Variants in LRBA observed in about 807,000 individuals in gnomAD.
LRBA encodes the protein LPS responsive beige-like anchor protein.
Under a neutral mutation model 330.0 loss-of-function variants are expected in LRBA, and 176 were observed. That is an observed-to-expected ratio of 0.53 (90% CI 0.47 to 0.60). LRBA has a LOEUF of 0.60. LRBA is among the 20% of genes least tolerant of loss of function. LRBA has a pLI of 0.00. For synonymous variants in LRBA, 1,230 were observed against 1,193.0 expected, an observed-to-expected ratio of 1.03 and a Z score of -0.64; for missense variants, 3,259 against 3,444.8, an observed-to-expected ratio of 0.95 and a Z score of 1.35.
chr4:150,510,680 A>T lies in LRBA; in HGVS notation c.6331-19645T>A, dbSNP rs141347401. On this transcript the variant is annotated intron_variant, in intron 40 of 56. Coordinates refer to ENST00000651943, the MANE Select transcript of LRBA (RefSeq NM_001364905.1). ...TTCTTAGCCTTCTTAGTTTACACTG[A>T]GTGATTTCATCCCGAATCACTGCTT... Among the ~76,000 whole-genome samples the T allele has an allele frequency of 3.6e-3, 555 of 152,206 alleles. 3 individuals carry two copies. The highest frequency in any genetic ancestry group is 0.01 in the Middle Eastern group (3 of 294).
Position 150,588,156 on chromosome 4 carries a change from C to T in LRBA, c.6222G>A (p.Gln2074=). 1 of 1,610,808 alleles carries T rather than the reference C, an allele frequency of 6.2e-7. No individual in the cohort carries two copies. Among genetic ancestry groups the T allele is most frequent in the East Asian group, 2.2e-5 (1 of 44,800 alleles). ...TTACTACAACAGAGGGGGCCACAAG[C>T]TGAGCTGGTGTGCTCAGGCTAACAG... The part of the protein sequence containing the change: ...AGPVSLSTPA[Q]LVAPSVVVKG... The change falls in exon 40 of 57, where the codon CAG becomes CAA. Residue 2074 remains glutamine (Q), a synonymous_variant. Transcript: ENST00000651943.
At chr4:150,978,663 G>A (rs376373429) in intron 2 of LRBA, among the ~76,000 whole-genome samples, 7 of 151,974 alleles carry the variant, frequency 4.6e-5, no homozygotes, top group Non-Finnish European at 7.4e-5. Context: ...GAATTCTATC[G>A]GATAAATTTA....
At chr4:150,335,997 A>G (rs1444233110) in intron 48 of LRBA, among the ~76,000 whole-genome samples, 2 of 152,354 alleles carry the variant, frequency 1.3e-5, no homozygotes, top group African/African-American at 4.8e-5. Context: ...CGCCTGGCGA[A>G]GCCACTGTGC....
chr4:150,850,829 C>G lies in LRBA; in HGVS notation c.3899G>C (p.Arg1300Thr). The G allele has an allele frequency of 6.2e-7, 1 of 1,613,964 alleles. No homozygotes were observed. Among genetic ancestry groups the G allele is most frequent in the Admixed American group, 1.7e-5 (1 of 60,010 alleles). Residue 1300 changes from arginine (R) to threonine (T), a missense_variant, in exon 24 of 57, where the codon AGA becomes ACA. Transcript: ENST00000651943. ...DAVNGQRRDSRSTVFRIPEFN... is the reference protein window; with the variant it reads ...DAVNGQRRDSTSTVFRIPEFN... ...CTCAGGAATACGAAACACAGTAGAT[C>G]TGGAATCCCTCCTTTGTCCATTAAC...
chr4:150,970,435 G>A (rs201559649), intron 2 of LRBA, among the ~76,000 whole-genome samples: 1 of 151,790 alleles, frequency 6.6e-6, no homozygotes, highest in Admixed American at 6.6e-5. Context: ...AAGAGGTTGA[G>A]GCTGCAGTAA....
chr4:150,371,181 A>ATTTTTTTTTT (rs1274384749), intron 47 of LRBA, among the ~76,000 whole-genome samples: 179 of 136,792 alleles, frequency 1.3e-3, no homozygotes, highest in African/African-American at 5.2e-3. Context: ...CAAGCTACTA[A>ATTTTTTTTTT]ATTTTTTTTT....
intron 13 of LRBA, among the ~76,000 whole-genome samples, chr4:150,904,003 C>T (rs1451688361): frequency 1.3e-5 from 2 of 152,114 alleles, no homozygotes; most frequent in East Asian, 3.9e-4. Context: ...CCATGGTAGA[C>T]AAGAAAATTC....
chr4:150,809,922 T>TACGAG (rs1454271257), intron 31 of LRBA, among the ~76,000 whole-genome samples: 72 of 126,632 alleles, frequency 5.7e-4, no homozygotes, highest in African/African-American at 2.0e-3. Context: ...TACGATACGA[T>TACGAG]ACGATACGAT....
chr4:150,954,314 G>A (rs992967742), intron 2 of LRBA, among the ~76,000 whole-genome samples: 13 of 152,172 alleles, frequency 8.5e-5, no homozygotes, highest in Admixed American at 5.9e-4. Flanking sequence ...TGGCGGTTTT[G>A]TCAAATAGAA....
At chr4:150,943,599 G>A (rs887953520) in intron 2 of LRBA, among the ~76,000 whole-genome samples, 51 of 152,324 alleles carry the variant, frequency 3.3e-4, no homozygotes, top group African/African-American at 1.2e-3. Context: ...CAAACATTTA[G>A]TAGGCACTTC....
intron 37 of LRBA, among the ~76,000 whole-genome samples, chr4:150,618,844 GTATGTA>G (rs1216229895): frequency 6.5e-5 from 3 of 46,338 alleles, no homozygotes; most frequent in African/African-American, 9.1e-5. Flanking sequence ...GTATATGTGT[GTATGTA>G]TATATATATA....
chr4:150,503,275 C>A (rs559773941), intron 40 of LRBA, among the ~76,000 whole-genome samples: 2 of 152,338 alleles, frequency 1.3e-5, no homozygotes, highest in African/African-American at 4.8e-5. Flanking sequence ...TCCCTGACCC[C>A]CGAGTAGCCT....
At chr4:150,790,770 A>G (rs914761617) in intron 34 of LRBA, among the ~76,000 whole-genome samples, 2 of 152,184 alleles carry the variant, frequency 1.3e-5, no homozygotes, top group Non-Finnish European at 2.9e-5. Flanking sequence ...AACTGTTTTT[A>G]CTGCGCACAA....
At chr4:150,636,320 G>A (rs554255428) in intron 37 of LRBA, among the ~76,000 whole-genome samples, 3 of 151,662 alleles carry the variant, frequency 2.0e-5, no homozygotes, top group East Asian at 3.9e-4. Context: ...TTTATTCAAC[G>A]GATTATAATT....
intron 35 of LRBA, among the ~76,000 whole-genome samples, chr4:150,761,335 TACCTCCTTATTTCCTCTATC>T (rs1461160687): frequency 2.0e-5 from 3 of 152,124 alleles, no homozygotes; most frequent in African/African-American, 7.2e-5. Context: ...GTAGAAAATA[TACCTCCTTATTTCCTCTATC>T]ACCTTTCTCA....
chr4:150,392,997 C>T (rs757276391), intron 47 of LRBA, among the ~76,000 whole-genome samples: 2 of 151,740 alleles, frequency 1.3e-5, no homozygotes, highest in Non-Finnish European at 2.9e-5. Flanking sequence ...GTACATGTAT[C>T]CCAGAACTTA....
chr4:150,767,887 C>A (rs367981097), intron 34 of LRBA, among the ~76,000 whole-genome samples: 85 of 151,226 alleles, frequency 5.6e-4, no homozygotes, highest in African/African-American at 2.0e-3. Context: ...CATGGTGAAA[C>A]CCCATCTCTA....
intron 37 of LRBA, among the ~76,000 whole-genome samples, chr4:150,607,987 A>G (rs777047796): frequency 1.3e-5 from 2 of 152,194 alleles, no homozygotes; most frequent in African/African-American, 2.4e-5. Flanking sequence ...GTGAGCCAAG[A>G]TCGCGCCACT....
intron 37 of LRBA, among the ~76,000 whole-genome samples, chr4:150,683,340 T>G (rs1450847396): frequency 6.6e-6 from 1 of 152,180 alleles, no homozygotes; most frequent in Non-Finnish European, 1.5e-5. Flanking sequence ...ATTGTACACA[T>G]ACTGATTGGA....
Sources: gnomAD v4.1 joint callset for allele counts (sites outside exome capture counted in the v4.1 genomes callset) on GRCh38, gnomAD v4.1.1 for gene constraint, MANE v1.5 for transcripts, NCBI Gene and HGNC (gene_info 2026-07-23, HGNC 2026-07-21) for gene names.